ADAMTSL1: variants seen among roughly 807,000 people sequenced by gnomAD.
ADAMTSL1 encodes ADAMTS-like protein 1.
In ADAMTSL1, 126 loss-of-function variants were observed where a neutral mutation model predicts 201.8. That is an observed-to-expected ratio of 0.62 (90% CI 0.54 to 0.72). The LOEUF (loss-of-function observed/expected upper bound fraction) is 0.72. Among genes scored for constraint, ADAMTSL1 ranks in the 30% least tolerant of loss-of-function variants. The probability of loss-of-function intolerance (pLI) is 0.00; values close to 1 mark genes in which losing one functional copy is unlikely to be tolerated. For missense variants in ADAMTSL1, 2,679 were observed against 2,277.8 expected (o/e 1.18, Z -3.59); for synonymous variants, 1,121 against 903.4 (o/e 1.24, Z -4.32).
chr9:18,089,898 C>T (rs985327422), intron 1 of ADAMTSL1, among the ~76,000 whole-genome samples: 11 of 152,106 alleles, frequency 7.2e-5, no homozygotes, highest in African/African-American at 2.7e-4. Flanking sequence ...AAGGGTAGAT[C>T]TGTTAAAAGA....
chr9:18,532,564 GA>G (rs1407403091), intron 2 of ADAMTSL1, among the ~76,000 whole-genome samples: 1 of 151,966 alleles, frequency 6.6e-6, no homozygotes, highest in African/African-American at 2.4e-5. Context: ...AATACTGTGA[GA>G]AAATGCCTCC....
intron 2 of ADAMTSL1, among the ~76,000 whole-genome samples, chr9:18,420,090 A>G (rs915949596): frequency 2.0e-5 from 3 of 152,198 alleles, no homozygotes; most frequent in Non-Finnish European, 4.4e-5. Context: ...CAGTAATTAC[A>G]GTTTTCACCA....
At chr9:18,700,642 T>TA (rs1244142959) in intron 13 of ADAMTSL1, among the ~76,000 whole-genome samples, 1 of 152,164 alleles carries the variant, frequency 6.6e-6, no homozygotes, top group Non-Finnish European at 1.5e-5. Flanking sequence ...AAGATTGGGT[T>TA]AAAAAATGAT....
chr9:18,619,432 C>G (rs1164479466), intron 4 of ADAMTSL1, among the ~76,000 whole-genome samples: 1 of 151,936 alleles, frequency 6.6e-6, no homozygotes, highest in Non-Finnish European at 1.5e-5. Flanking sequence ...ACAATTGTGT[C>G]AGGGAGATGT....
At chr9:18,462,380 T>C (rs910903375) in intron 2 of ADAMTSL1, among the ~76,000 whole-genome samples, 1 of 152,190 alleles carries the variant, frequency 6.6e-6, no homozygotes, top group Non-Finnish European at 1.5e-5. Context: ...TGCTACATAC[T>C]GGGGTACAGT....
chr9:18,515,381 C>G (rs1277235738), intron 2 of ADAMTSL1, among the ~76,000 whole-genome samples: 2 of 152,198 alleles, frequency 1.3e-5, no homozygotes, highest in African/African-American at 4.8e-5. Context: ...ATCGCCCAGG[C>G]TGGAGTGCAG....
At chr9:18,015,638 T>C (rs1251219415) in intron 1 of ADAMTSL1, among the ~76,000 whole-genome samples, 1 of 152,002 alleles carries the variant, frequency 6.6e-6, no homozygotes, top group African/African-American at 2.4e-5. Context: ...CTCAGAATGT[T>C]TAAGGAATTT....
chr9:18,202,552 A>G (rs75095103), intron 2 of ADAMTSL1, among the ~76,000 whole-genome samples: 9,823 of 152,186 alleles, frequency 0.065, 425 homozygotes, highest in Non-Finnish European at 0.094. Flanking sequence ...TCTGTCTCCC[A>G]CACTTCTCTT....
At chr9:18,812,929 A>C (rs149069244) in intron 20 of ADAMTSL1, among the ~76,000 whole-genome samples, 1 of 143,070 alleles carries the variant, frequency 7.0e-6, no homozygotes, top group African/African-American at 2.6e-5. Flanking sequence ...TTTATAGTAT[A>C]TTTTAAAATT....
chr9:18,734,161 T>A (rs986630477), intron 15 of ADAMTSL1, among the ~76,000 whole-genome samples: 2 of 152,132 alleles, frequency 1.3e-5, no homozygotes, highest in African/African-American at 2.4e-5. Context: ...TGAGGAGAAG[T>A]GTGTTAAGCG....
At chr9:18,305,834 C>T (rs907394364) in intron 2 of ADAMTSL1, among the ~76,000 whole-genome samples, 4 of 152,124 alleles carry the variant, frequency 2.6e-5, no homozygotes, top group African/African-American at 4.8e-5. Flanking sequence ...CAGTGGATCA[C>T]GCAGCACAGC....
chr9:18,030,062 A>T (rs1309822641), intron 1 of ADAMTSL1, among the ~76,000 whole-genome samples: 1 of 152,184 alleles, frequency 6.6e-6, no homozygotes, highest in East Asian at 1.9e-4. Flanking sequence ...TACCCAAAGG[A>T]TTATAAATCC....
chr9:18,717,093 G>T (rs1832994803), intron 14 of ADAMTSL1, among the ~76,000 whole-genome samples: 1 of 147,512 alleles, frequency 6.8e-6, no homozygotes. Flanking sequence ...GGTGGGGTGG[G>T]GGGACGGGGG....
chr9:18,850,933 G>C (rs1826454041), intron 23 of ADAMTSL1, among the ~76,000 whole-genome samples: 1 of 152,198 alleles, frequency 6.6e-6, no homozygotes, highest in Non-Finnish European at 1.5e-5. Flanking sequence ...AGGGTTAAAT[G>C]AGATGCCATA....
intron 21 of ADAMTSL1, among the ~76,000 whole-genome samples, chr9:18,821,709 T>C (rs1824221652): frequency 6.6e-6 from 1 of 152,088 alleles, no homozygotes; most frequent in Non-Finnish European, 1.5e-5. Flanking sequence ...TACTGTATCC[T>C]TTCTCTTTTC....
At chr9:18,294,081 A>T (rs781501490) in intron 2 of ADAMTSL1, among the ~76,000 whole-genome samples, 1 of 152,224 alleles carries the variant, frequency 6.6e-6, no homozygotes, top group Non-Finnish European at 1.5e-5. Context: ...TGAGGTTTTC[A>T]TTATAAAACA....
chr9:18,757,462 A>G (rs1819838908), intron 16 of ADAMTSL1, among the ~76,000 whole-genome samples: 1 of 152,092 alleles, frequency 6.6e-6, no homozygotes, highest in Non-Finnish European at 1.5e-5. Flanking sequence ...ATGACAGTCT[A>G]CTGCTAGGAT....
At chr9:18,199,980 G>A (rs1181205164) in intron 2 of ADAMTSL1, among the ~76,000 whole-genome samples, 1 of 151,928 alleles carries the variant, frequency 6.6e-6, no homozygotes, top group African/African-American at 2.4e-5. Flanking sequence ...ATTATAGCTT[G>A]TCTGATTATA....
chr9:18,060,531 G>A (rs1822401882), intron 1 of ADAMTSL1, among the ~76,000 whole-genome samples: 1 of 152,164 alleles, frequency 6.6e-6, no homozygotes, highest in South Asian at 2.1e-4. Flanking sequence ...AGCCAGTTGA[G>A]TAAGCTGCCT....
Sources: allele counts gnomAD v4.1 joint callset (sites outside exome capture counted in the v4.1 genomes callset), GRCh38; gene constraint gnomAD v4.1.1; transcripts MANE v1.5; gene names NCBI Gene and HGNC (gene_info 2026-07-23, HGNC 2026-07-21).